Variants in MAPK10 observed in about 807,000 individuals in gnomAD.
MAPK10 encodes the protein JNK3 alpha protein kinase.
Under a neutral mutation model 59.3 loss-of-function variants are expected in MAPK10, and 25 were observed. That is an observed-to-expected ratio of 0.42 (90% confidence interval 0.31 to 0.59). The LOEUF (loss-of-function observed/expected upper bound fraction) is 0.59. Among genes scored for constraint, MAPK10 ranks in the 20% least tolerant of loss-of-function variants. The probability of loss-of-function intolerance (pLI) is 0.15; values close to 1 mark genes in which losing one functional copy is unlikely to be tolerated. For synonymous variants in MAPK10, 190 were observed against 200.5 expected, an observed-to-expected ratio of 0.95 and a Z score of 0.44; for missense variants, 351 against 568.9, an observed-to-expected ratio of 0.62 and a Z score of 3.90.
intron 1 of MAPK10, among the ~76,000 whole-genome samples, chr4:86,511,434 C>G (rs1448321964): frequency 6.6e-6 from 1 of 152,008 alleles, no homozygotes; most frequent in Non-Finnish European, 1.5e-5. Flanking sequence ...GGTGTGGTGG[C>G]ACATTCCTGT....
At chr4:86,197,186 C>T (rs1352496920) in intron 2 of MAPK10, among the ~76,000 whole-genome samples, 1 of 152,116 alleles carries the variant, frequency 6.6e-6, no homozygotes, top group East Asian at 1.9e-4. Context: ...TCTTCCTATC[C>T]ATGAGCATGG....
intron 2 of MAPK10, among the ~76,000 whole-genome samples, chr4:86,206,993 G>C (rs1386168853): frequency 6.6e-6 from 1 of 151,852 alleles, no homozygotes; most frequent in Non-Finnish European, 1.5e-5. Context: ...CCATTTTGTA[G>C]GTTGCCTGTT....
intron 4 of MAPK10, chr4:86,125,668 A>G (rs1158993957): frequency 6.6e-6 from 1 of 152,090 alleles, no homozygotes; most frequent in Non-Finnish European, 1.5e-5. Context: ...AATTTAAAGT[A>G]TTATTTATGT....
At chr4:86,259,780 A>G (rs747503709) in intron 2 of MAPK10, among the ~76,000 whole-genome samples, 7 of 152,128 alleles carry the variant, frequency 4.6e-5, no homozygotes, top group Non-Finnish European at 8.8e-5. Flanking sequence ...AATGAAAACC[A>G]TCAGCTATCT....
chr4:86,117,025 T>G (rs1001274056), intron 4 of MAPK10, among the ~76,000 whole-genome samples: 1 of 152,242 alleles, frequency 6.6e-6, no homozygotes, highest in Non-Finnish European at 1.5e-5. Flanking sequence ...TACATTCAAC[T>G]GTACCACCAT....
intron 4 of MAPK10, among the ~76,000 whole-genome samples, chr4:86,136,694 T>G (rs1447409493): frequency 2.7e-5 from 4 of 150,716 alleles, no homozygotes; most frequent in African/African-American, 7.4e-5. Flanking sequence ...ATATTAACTT[T>G]AAATGTAAAT....
chr4:86,036,680 A>G (rs1384277361), intron 11 of MAPK10, among the ~76,000 whole-genome samples: 3 of 152,240 alleles, frequency 2.0e-5, no homozygotes, highest in Admixed American at 6.5e-5. Context: ...AAAGACTAAT[A>G]AAACAATATT....
intron 1 of MAPK10, among the ~76,000 whole-genome samples, chr4:86,535,408 A>AAT (rs1330444162): frequency 1.3e-5 from 2 of 152,184 alleles, no homozygotes; most frequent in Non-Finnish European, 2.9e-5. Context: ...TTAATCCAAG[A>AAT]ATATATATAT....
chr4:86,330,459 T>A (rs2096125979), intron 2 of MAPK10, among the ~76,000 whole-genome samples: 1 of 152,196 alleles, frequency 6.6e-6, no homozygotes. Flanking sequence ...AAACTGTATT[T>A]CCCATAATCC....
intron 2 of MAPK10, among the ~76,000 whole-genome samples, chr4:86,317,573 C>G (rs777101323): frequency 6.6e-6 from 1 of 152,178 alleles, no homozygotes; most frequent in Admixed American, 6.5e-5. Flanking sequence ...AGTTCAAACT[C>G]TGTCTTTTCC....
intron 2 of MAPK10, among the ~76,000 whole-genome samples, chr4:86,249,942 TAA>T (rs2093329132): frequency 6.6e-6 from 1 of 151,918 alleles, no homozygotes; most frequent in Admixed American, 6.6e-5. Flanking sequence ...GAATGGGAAA[TAA>T]AAATGCTAAG....
chr4:86,463,174 C>T (rs2149062247), intron 1 of MAPK10, among the ~76,000 whole-genome samples: 1 of 152,218 alleles, frequency 6.6e-6, no homozygotes, highest in South Asian at 2.1e-4. Flanking sequence ...AGTTATACAA[C>T]CTATGGGGAC....
At chr4:86,106,252 G>A (rs1030915699) in intron 5 of MAPK10, among the ~76,000 whole-genome samples, 5 of 151,976 alleles carry the variant, frequency 3.3e-5, no homozygotes, top group Admixed American at 2.0e-4. Flanking sequence ...GGTAGATGGC[G>A]AGCATTAGGA....
chr4:86,456,396 T>G (rs959260131), upstream of MAPK10, among the ~76,000 whole-genome samples: 1 of 151,986 alleles, frequency 6.6e-6, no homozygotes, highest in African/African-American at 2.4e-5. Flanking sequence ...TAAATAAGAT[T>G]GATAGACCAT....
At chr4:86,389,277 T>C (rs1179356899) in intron 1 of MAPK10, among the ~76,000 whole-genome samples, 1 of 152,224 alleles carries the variant, frequency 6.6e-6, no homozygotes, top group Non-Finnish European at 1.5e-5. Flanking sequence ...GATCCTGCCA[T>C]GCTGCCCGTA....
chr4:86,176,879 T>C (rs1180504725), intron 3 of MAPK10, among the ~76,000 whole-genome samples: 3 of 148,676 alleles, frequency 2.0e-5, no homozygotes, highest in South Asian at 2.1e-4. Context: ...CTTATCTTTG[T>C]TTAATAATTT....
intron 2 of MAPK10, among the ~76,000 whole-genome samples, chr4:86,235,607 ACCT>A (rs2092137865): frequency 6.6e-6 from 1 of 152,120 alleles, no homozygotes; most frequent in Non-Finnish European, 1.5e-5. Context: ...TTTACTGAAC[ACCT>A]CCTACTTGCC....
chr4:86,199,723 ATAT>A (rs1230477683), intron 2 of MAPK10, among the ~76,000 whole-genome samples: 1 of 152,046 alleles, frequency 6.6e-6, no homozygotes, highest in African/African-American at 2.4e-5. Flanking sequence ...TATGAAACAT[ATAT>A]TATTGGATAT....
Position 86,011,674 on chromosome 4 carries a change from A to G in MAPK10, c.*5554T>C, listed in dbSNP as rs565465089. 6.6e-6 allele frequency: 1 copy of G among 152,280 alleles called. No individual in the cohort carries two copies. The highest frequency in any genetic ancestry group is 2.1e-4 in the South Asian group (1 of 4,824). The allele number at this position is 152,280 out of a possible 1,614,324, so 9.4% of individuals were successfully genotyped here. A position where few individuals can be genotyped will look rare whatever the true frequency, so the allele number is the denominator to read the frequency against. On this transcript the variant is annotated 3_prime_UTR_variant, in exon 14 of 14. Coordinates refer to ENST00000641462, the MANE Select transcript of MAPK10 (RefSeq NM_138982.4). ...GGTACCTATGCTTGACCTTTTTTAA[A>G]GAGAGTAAGGATCTGTGATTTAAAC...
Sources: gnomAD v4.1 joint callset for allele counts (sites outside exome capture counted in the v4.1 genomes callset) on GRCh38, gnomAD v4.1.1 for gene constraint, MANE v1.5 for transcripts, NCBI Gene and HGNC (gene_info 2026-07-23, HGNC 2026-07-21) for gene names.